SDCCAG8: variants seen among roughly 807,000 people sequenced by gnomAD.
The protein encoded by SDCCAG8 is serologically defined colon cancer antigen 8.
SDCCAG8 carries 74 observed loss-of-function variants against 101.8 expected under a neutral mutation model. That is an observed-to-expected ratio of 0.73 (90% CI 0.60 to 0.88). SDCCAG8 has a LOEUF of 0.88. Among genes scored for constraint, SDCCAG8 ranks in the 40% least tolerant of loss-of-function variants. SDCCAG8 has a pLI of 0.00. For synonymous variants in SDCCAG8, 281 were observed against 292.9 expected (o/e 0.96, Z 0.41); for missense variants, 787 against 822.6 (o/e 0.96, Z 0.53).
At chr1:243,336,749 A>G (rs1206196987) in intron 10 of SDCCAG8, among the ~76,000 whole-genome samples, 1 of 152,188 alleles carries the variant, frequency 6.6e-6, no homozygotes, top group Non-Finnish European at 1.5e-5. Context: ...CATATCATTC[A>G]TGAGTGATCT....
At chr1:243,352,846 T>G (rs1392110148) in intron 12 of SDCCAG8, among the ~76,000 whole-genome samples, 2 of 152,202 alleles carry the variant, frequency 1.3e-5, no homozygotes, top group Non-Finnish European at 2.9e-5. Flanking sequence ...CTTTTTTCAT[T>G]TAACATTATC....
chr1:243,294,728 C>A (rs2070698578), intron 6 of SDCCAG8, among the ~76,000 whole-genome samples: 1 of 133,744 alleles, frequency 7.5e-6, no homozygotes, highest in Admixed American at 8.6e-5. Context: ...CTTTGAACGT[C>A]CTAATTTCCC....
chr1:243,319,307 C>T (rs1204410051), intron 9 of SDCCAG8, among the ~76,000 whole-genome samples: 1 of 152,176 alleles, frequency 6.6e-6, no homozygotes, highest in Non-Finnish European at 1.5e-5. Flanking sequence ...TTGTCTCTCT[C>T]CTCCCTAATC....
At chr1:243,307,550 A>T in intron 7 of SDCCAG8, 2 of 983,898 alleles carry the variant, frequency 2.0e-6, no homozygotes, top group Non-Finnish European at 2.4e-6. Flanking sequence ...AAAAATTTTA[A>T]GAGATTAATG....
At chr1:243,330,479 C>G in intron 9 of SDCCAG8, 61 bp from the exon 10 acceptor site, 1 of 1,545,520 alleles carries the variant, frequency 6.5e-7, no homozygotes. Flanking sequence ...TTAATTATGT[C>G]ATTTTACCTA....
chr1:243,496,989 G>A (rs1323541176), intron 17 of SDCCAG8, among the ~76,000 whole-genome samples: 1 of 152,218 alleles, frequency 6.6e-6, no homozygotes, highest in Non-Finnish European at 1.5e-5. Flanking sequence ...AGCCACAGGA[G>A]GGCCACAGCA....
chr1:243,458,311 C>T lies in SDCCAG8; in HGVS notation c.1986-30703C>T, dbSNP rs182208386. The stretch of plus-strand genomic sequence containing the variant: ...CCTAATTTCCACAGTTTGACAGCAC[C>T]GAATGTTGTGTTAAGCTTCTTGCTA... On this transcript the variant is annotated intron_variant, in intron 16 of 17. Transcript: ENST00000366541. The surrounding 1 kb of genome is among the most constrained non-coding windows in gnomAD (Gnocchi z 4.5). 3.3e-5 allele frequency among the ~76,000 whole-genome samples: 5 copies of T among 151,958 alleles called. No homozygotes were observed. Among genetic ancestry groups the T allele is most frequent in the Admixed American group, 1.3e-4 (2 of 15,248 alleles).
chr1:243,467,183 G>A (rs1337698201), intron 16 of SDCCAG8, among the ~76,000 whole-genome samples: 1 of 152,236 alleles, frequency 6.6e-6, no homozygotes, highest in Non-Finnish European at 1.5e-5. Context: ...ATCAAAGATT[G>A]ATGAATCTGG....
intron 1 of SDCCAG8, among the ~76,000 whole-genome samples, chr1:243,260,403 G>A (rs1434668928): frequency 6.6e-6 from 1 of 152,160 alleles, no homozygotes; most frequent in African/African-American, 2.4e-5. Flanking sequence ...AAGTGGGCAA[G>A]ATAGCACATG....
chr1:243,274,409 A>G (rs557840876), intron 3 of SDCCAG8, 134 bp from the exon 4 acceptor site: 55 of 600,346 alleles, frequency 9.2e-5, no homozygotes, highest in East Asian at 2.1e-4. Flanking sequence ...GATCGATTCT[A>G]TGTTTATATC....
In SDCCAG8 at chr1:243,256,146, C is replaced by A; in HGVS notation, c.-28C>A. The A allele has an allele frequency of 1.9e-6, 3 of 1,606,640 alleles. No individual in the cohort carries two copies. In the South Asian group the frequency reaches 3.3e-5, roughly 18 times the overall value. Reference sequence around the variant, plus strand: ...GAAAGCTGGACATTTCCCCACGTAACTCCCAGCTCTGGGCCTAGAGTGCGT... The same window carrying A: ...GAAAGCTGGACATTTCCCCACGTAAATCCCAGCTCTGGGCCTAGAGTGCGT... On this transcript the variant is annotated 5_prime_UTR_variant, in exon 1 of 18. Coordinates refer to ENST00000366541, the MANE Select transcript of SDCCAG8 (RefSeq NM_006642.5).
intron 9 of SDCCAG8, among the ~76,000 whole-genome samples, chr1:243,321,929 G>A (rs893544466): frequency 6.6e-6 from 1 of 152,252 alleles, no homozygotes; most frequent in Non-Finnish European, 1.5e-5. Flanking sequence ...GATTACTGGC[G>A]TGAGCCACCA....
At position 243,361,022 on chromosome 1, in the gene SDCCAG8, G is replaced by T. The variant is rs180953266; in HGVS notation, c.1473+16691G>T. On this transcript the variant is annotated intron_variant, in intron 12 of 17. Transcript: ENST00000366541. ...TTTGCATTTACCTGTCTGGAACTTG[G>T]TCATTTTCGTTTGGGCCTGTTGTGT... is the stretch of plus-strand genomic sequence containing the variant. Among the ~76,000 whole-genome samples, 10 of 152,170 alleles carry T rather than the reference G, an allele frequency of 6.6e-5. No individual in the cohort carries two copies. In the East Asian group the frequency reaches 1.9e-3, roughly 29 times the overall value.
At chr1:243,339,661 T>A (rs532861112) in intron 10 of SDCCAG8, among the ~76,000 whole-genome samples, 1 of 152,336 alleles carries the variant, frequency 6.6e-6, no homozygotes, top group Admixed American at 6.5e-5. Flanking sequence ...CTAAATTATT[T>A]TCATAGGGTC....
At chr1:243,268,615 C>CT (rs2067824613) in intron 1 of SDCCAG8, among the ~76,000 whole-genome samples, 2 of 152,192 alleles carry the variant, frequency 1.3e-5, no homozygotes, top group South Asian at 4.1e-4. Flanking sequence ...TACATGTTTT[C>CT]TTTTATCAAA....
intron 1 of SDCCAG8, among the ~76,000 whole-genome samples, chr1:243,261,768 C>T (rs2067206697): frequency 6.6e-6 from 1 of 152,104 alleles, no homozygotes; most frequent in Admixed American, 6.5e-5. Flanking sequence ...TAGGAATATA[C>T]ACACATAAAC....
chr1:243,460,635 A>G (rs1658884650), intron 16 of SDCCAG8, among the ~76,000 whole-genome samples: 1 of 152,248 alleles, frequency 6.6e-6, no homozygotes, highest in Admixed American at 6.5e-5. Flanking sequence ...AGCTGACTGG[A>G]ACAAAGTGTG....
intron 17 of SDCCAG8, among the ~76,000 whole-genome samples, chr1:243,498,747 G>GTTGA (rs1239996385): frequency 1.3e-5 from 2 of 152,240 alleles, no homozygotes; most frequent in African/African-American, 2.4e-5. Context: ...CTTAAATTAG[G>GTTGA]TTGATAGAGT....
chr1:243,290,860 C>T, intron 5 of SDCCAG8, among the ~76,000 whole-genome samples: 1 of 152,174 alleles, frequency 6.6e-6, no homozygotes. Flanking sequence ...CACCTTTGGC[C>T]TAGCACTCAC....
Sources: gnomAD v4.1 joint callset for allele counts (sites outside exome capture counted in the v4.1 genomes callset) on GRCh38, gnomAD v4.1.1 for gene constraint, Gnocchi (gnomAD v3.1) non-coding constraint, MANE v1.5 for transcripts, NCBI Gene and HGNC (gene_info 2026-07-23, HGNC 2026-07-21) for gene names.